The following VPS50 variants were observed in gnomAD, a reference collection of about 807,000 sequenced individuals.
VPS50 encodes VPS50 subunit of EARP/GARPII complex, also known as syndetin.
VPS50 carries 70 observed loss-of-function variants against 139.7 expected under a neutral mutation model. That is an observed-to-expected ratio of 0.50 (90% confidence interval 0.41 to 0.61). VPS50 has a LOEUF of 0.61. Ranked by LOEUF, VPS50 falls within the 20% of genes least tolerant of loss-of-function variation. The pLI, the probability that VPS50 is intolerant of heterozygous loss-of-function variation, is 0.00. For missense variants in VPS50, 921 were observed against 1,133.7 expected, an observed-to-expected ratio of 0.81 and a Z score of 2.69; for synonymous variants, 365 against 376.7, an observed-to-expected ratio of 0.97 and a Z score of 0.36.
intron 11 of VPS50, among the ~76,000 whole-genome samples, chr7:93,275,164 A>T (rs2116891538): frequency 6.6e-6 from 1 of 152,302 alleles, no homozygotes; most frequent in Admixed American, 6.5e-5. Flanking sequence ...CTTGAGATGG[A>T]ATCTACTAGT....
intron 25 of VPS50, among the ~76,000 whole-genome samples, chr7:93,352,857 T>C (rs1413507918): frequency 2.0e-5 from 3 of 152,160 alleles, no homozygotes; most frequent in African/African-American, 7.2e-5. Flanking sequence ...TTGTTTCCGT[T>C]GTACTAAAAA....
chr7:93,357,998 A>G (rs1225320156), intron 27 of VPS50, among the ~76,000 whole-genome samples: 2 of 152,170 alleles, frequency 1.3e-5, no homozygotes, highest in African/African-American at 2.4e-5. Flanking sequence ...TCAATAACAA[A>G]GACTATTACA....
rs1795484629 is a variant in VPS50 at position 93,256,439 on chromosome 7, A to C, written c.298-70A>C. 1.2e-5 allele frequency: 9 copies of C among 767,482 alleles called. No homozygotes were observed. The East Asian group carries it at 2.7e-4, about 23-fold the overall frequency. The allele number at this position is 767,482 out of a possible 1,614,324, so 47.5% of individuals were successfully genotyped here. A position where few individuals can be genotyped will look rare whatever the true frequency, so the allele number is the denominator to read the frequency against. ...TATGGAATATTCTTTTAAAAATTCA[A>C]ATATAAAATATCATAGAAAGCATGA... On this transcript the variant is annotated intron_variant, in intron 4 of 27. Coordinates refer to ENST00000305866, the MANE Select transcript of VPS50 (RefSeq NM_017667.4).
At chr7:93,267,166 G>C (rs1262981155) in intron 9 of VPS50, among the ~76,000 whole-genome samples, 1 of 152,082 alleles carries the variant, frequency 6.6e-6, no homozygotes, top group East Asian at 1.9e-4. Flanking sequence ...TTTTCCTCCA[G>C]ACTCAAAATA....
At chr7:93,328,098 GCTCTATTTTATATC>G (rs1410085531) in intron 21 of VPS50, among the ~76,000 whole-genome samples, 2 of 152,126 alleles carry the variant, frequency 1.3e-5, no homozygotes, top group East Asian at 3.9e-4. Flanking sequence ...ACTACCTCAT[GCTCTATTTTATATC>G]TGATCCATTG....
chr7:93,329,308 AAAC>A (rs1226020735), intron 21 of VPS50, among the ~76,000 whole-genome samples: 2 of 152,176 alleles, frequency 1.3e-5, no homozygotes, highest in African/African-American at 2.4e-5. Flanking sequence ...CAATTTCAAA[AAAC>A]AACAAAAAAT....
chr7:93,241,244 G>T (rs560830229), intron 2 of VPS50, among the ~76,000 whole-genome samples: 1 of 152,142 alleles, frequency 6.6e-6, no homozygotes, highest in South Asian at 2.1e-4. Flanking sequence ...TCCCAGTACT[G>T]GTTGGTAGTG....
intron 12 of VPS50, among the ~76,000 whole-genome samples, chr7:93,283,185 G>A (rs528489705): frequency 6.6e-6 from 1 of 151,288 alleles, no homozygotes; most frequent in Admixed American, 6.6e-5. Flanking sequence ...CTTGTTAAGT[G>A]TAAACCAGTT....
At position 93,358,555 on chromosome 7, in the gene VPS50, T is replaced by C. The variant is rs1798770329; in HGVS notation, c.*119T>C. The C allele has an allele frequency of 1.2e-6, 1 of 817,582 alleles. No individual in the cohort carries two copies. The highest frequency in any genetic ancestry group is 1.7e-5 in the African/African-American group (1 of 58,402). 50.6% of individuals were successfully genotyped at this position (817,582 alleles called of 1,614,324 possible). On this transcript the variant is annotated 3_prime_UTR_variant, in exon 28 of 28. Coordinates refer to ENST00000305866, the MANE Select transcript of VPS50 (RefSeq NM_017667.4). Reference sequence around the variant, plus strand: ...CTAAGAAAACTTTGTGCATGTTTTTTTGACTGGAAAGTGGAAAATATTGAA... The same window carrying C: ...CTAAGAAAACTTTGTGCATGTTTTTCTGACTGGAAAGTGGAAAATATTGAA...
intron 20 of VPS50, among the ~76,000 whole-genome samples, chr7:93,315,870 C>G (rs1365920309): frequency 1.3e-4 from 17 of 135,994 alleles, no homozygotes; most frequent in African/African-American, 4.7e-4. Context: ...TACTTTGTTT[C>G]TGGCTAGCTG....
chr7:93,254,511 C>A (rs1795430455), intron 4 of VPS50, among the ~76,000 whole-genome samples: 1 of 152,150 alleles, frequency 6.6e-6, no homozygotes, highest in Non-Finnish European at 1.5e-5. Context: ...AAGCGATTCT[C>A]CTGTCTCAGC....
At chr7:93,292,667 G>T (rs1796684713) in intron 13 of VPS50, among the ~76,000 whole-genome samples, 1 of 151,758 alleles carries the variant, frequency 6.6e-6, no homozygotes, top group African/African-American at 2.4e-5. Context: ...TCTGTTGTTG[G>T]GTGAGTGGAC....
At chr7:93,342,680 C>A (rs183593299) in intron 23 of VPS50, among the ~76,000 whole-genome samples, 108 of 152,320 alleles carry the variant, frequency 7.1e-4, no homozygotes, top group Admixed American at 2.8e-3. Context: ...GACCCCTGAT[C>A]CCCGAGCAGC....
chr7:93,257,878 T>A (rs1297722968), intron 6 of VPS50: 6 of 274,798 alleles, frequency 2.2e-5, no homozygotes, highest in Non-Finnish European at 3.3e-5. Flanking sequence ...GAATAATTAT[T>A]CTGTCAGTTT....
chr7:93,256,454 A>C lies in VPS50; in HGVS notation c.298-55A>C, dbSNP rs1584394062. 4.8e-6 allele frequency: 4 copies of C among 836,392 alleles called. No homozygotes were observed. The East Asian group carries it at 1.2e-4, about 24-fold the overall frequency. The allele number at this position is 836,392 out of a possible 1,614,324, so 51.8% of individuals were successfully genotyped here. On this transcript the variant is annotated intron_variant, in intron 4 of 27. Coordinates refer to ENST00000305866, the MANE Select transcript of VPS50 (RefSeq NM_017667.4). ...TAAAAATTCAAATATAAAATATCATAGAAAGCATGAAGTTTGTTCTTTTAT... is the reference window on the plus strand; with the variant it reads ...TAAAAATTCAAATATAAAATATCATCGAAAGCATGAAGTTTGTTCTTTTAT...
At chr7:93,297,749 G>A (rs1452650913) in intron 16 of VPS50, among the ~76,000 whole-genome samples, 1 of 152,126 alleles carries the variant, frequency 6.6e-6, no homozygotes, top group Non-Finnish European at 1.5e-5. Context: ...TTAAAAGAGT[G>A]ACTAGGAATG....
intron 6 of VPS50, 33 bp downstream of exon 6, chr7:93,257,497 C>T: frequency 8.2e-7 from 1 of 1,224,306 alleles, no homozygotes; most frequent in Non-Finnish European, 1.2e-6. Context: ...GTTCTTTAAG[C>T]TGAACAATAT....
chr7:93,315,827 G>T (rs1306017156), intron 20 of VPS50, among the ~76,000 whole-genome samples: 1 of 149,996 alleles, frequency 6.7e-6, no homozygotes, highest in Admixed American at 6.6e-5. Context: ...ATTAGTTTTA[G>T]TCCACCAGAT....
intron 6 of VPS50, 85 bp downstream of exon 6, chr7:93,257,549 T>C: frequency 1.3e-6 from 1 of 753,526 alleles, no homozygotes; most frequent in South Asian, 1.8e-5. Flanking sequence ...AATTGATTTT[T>C]TAAATTATGG....
Sources: allele counts gnomAD v4.1 joint callset (sites outside exome capture counted in the v4.1 genomes callset), GRCh38; gene constraint gnomAD v4.1.1; transcripts MANE v1.5; gene names NCBI Gene and HGNC (gene_info 2026-07-23, HGNC 2026-07-21).